GRIP1: variants seen among roughly 807,000 people sequenced by gnomAD.
GRIP1 encodes the protein glutamate receptor interacting protein 1, also known as glutamate receptor-interacting protein 1.
A neutral mutation model predicts 129.9 loss-of-function variants in GRIP1; 45 were observed. The ratio of observed to expected loss-of-function variants is 0.35; its 90% CI spans 0.27 to 0.44. The LOEUF (loss-of-function observed/expected upper bound fraction) is 0.44. Among genes scored for constraint, GRIP1 ranks in the 20% least tolerant of loss-of-function variants. The pLI is 1.00. For missense variants in GRIP1, 1,196 were observed against 1,396.8 expected (o/e 0.86, Z 2.29); for synonymous variants, 530 against 520.8 (o/e 1.02, Z -0.24).
intron 1 of GRIP1, among the ~76,000 whole-genome samples, chr12:66,855,858 C>T (rs111284012): frequency 2.8e-3 from 429 of 152,158 alleles, no homozygotes; most frequent in African/African-American, 9.8e-3. Context: ...TTGTGAAACA[C>T]TGAATATTTT....
At chr12:67,013,198 T>C (rs1355669951) in intron 1 of GRIP1, among the ~76,000 whole-genome samples, 1 of 152,162 alleles carries the variant, frequency 6.6e-6, no homozygotes, top group Non-Finnish European at 1.5e-5. Context: ...AGACTTGCCA[T>C]TTCCATACAG....
intron 1 of GRIP1, among the ~76,000 whole-genome samples, chr12:66,985,649 T>G (rs915624151): frequency 6.6e-6 from 1 of 152,094 alleles, no homozygotes; most frequent in Non-Finnish European, 1.5e-5. Flanking sequence ...AAGATTAAAT[T>G]TTTCTCTCAT....
At chr12:66,815,854 T>C (rs10784590) in intron 1 of GRIP1, among the ~76,000 whole-genome samples, 12,008 of 116,726 alleles carry the variant, frequency 0.1, 822 homozygotes, top group Non-Finnish European at 0.16. Flanking sequence ...CTTTCTTTCT[T>C]TCTCTCTCTC....
upstream of GRIP1, among the ~76,000 whole-genome samples, chr12:66,683,894 T>C (rs988286419): frequency 1.3e-5 from 2 of 152,214 alleles, no homozygotes; most frequent in Non-Finnish European, 2.9e-5. Flanking sequence ...AGCCTAGGTA[T>C]GTCCAACTGT....
chr12:67,008,841 T>A (rs943672812), intron 1 of GRIP1, among the ~76,000 whole-genome samples: 2 of 152,138 alleles, frequency 1.3e-5, no homozygotes, highest in African/African-American at 4.8e-5. Context: ...ATAATTTTTT[T>A]AAAAATCCAT....
At chr12:66,818,657 T>C (rs2039267276) in intron 1 of GRIP1, among the ~76,000 whole-genome samples, 1 of 152,210 alleles carries the variant, frequency 6.6e-6, no homozygotes, top group Non-Finnish European at 1.5e-5. Flanking sequence ...ATTAAAAAGA[T>C]ATTTATTATT....
chr12:66,661,285 T>G (rs1433486595), intron 1 of GRIP1, among the ~76,000 whole-genome samples: 1 of 152,010 alleles, frequency 6.6e-6, no homozygotes, highest in Non-Finnish European at 1.5e-5. Context: ...GTTCTTCCGT[T>G]GGAGATTTAA....
chr12:66,625,653 TAA>T (rs1286838575), intron 1 of GRIP1, among the ~76,000 whole-genome samples: 1 of 152,142 alleles, frequency 6.6e-6, no homozygotes, highest in Non-Finnish European at 1.5e-5. Context: ...TTTAAAGTGT[TAA>T]GAGTTTAATG....
At chr12:66,472,126 A>T (rs1565775577) in intron 7 of GRIP1, among the ~76,000 whole-genome samples, 2 of 152,206 alleles carry the variant, frequency 1.3e-5, no homozygotes, top group Non-Finnish European at 2.9e-5. Flanking sequence ...GAGGCTGGGG[A>T]AGCCTAATTA....
At chr12:66,497,958 T>G (rs1283165569) in intron 7 of GRIP1, among the ~76,000 whole-genome samples, 4 of 152,070 alleles carry the variant, frequency 2.6e-5, no homozygotes, top group Non-Finnish European at 5.9e-5. Flanking sequence ...CTGATGACAT[T>G]ACCTTGTGAA....
At chr12:66,559,020 T>C (rs796274345) in intron 2 of GRIP1, among the ~76,000 whole-genome samples, 3 of 152,018 alleles carry the variant, frequency 2.0e-5, no homozygotes, top group African/African-American at 7.2e-5. Flanking sequence ...AAGGATGGTT[T>C]AACCTACACA....
chr12:66,907,160 G>A (rs1437011318), intron 1 of GRIP1, among the ~76,000 whole-genome samples: 1 of 152,072 alleles, frequency 6.6e-6, no homozygotes, highest in African/African-American at 2.4e-5. Context: ...TTTTTTGTTA[G>A]TTGACTTTTA....
intron 1 of GRIP1, among the ~76,000 whole-genome samples, chr12:67,059,006 G>A (rs2043485364): frequency 6.6e-6 from 1 of 152,216 alleles, no homozygotes; most frequent in Non-Finnish European, 1.5e-5. Context: ...GTGTATCTTT[G>A]AGGGATTTAG....
intron 7 of GRIP1, among the ~76,000 whole-genome samples, chr12:66,477,004 C>A (rs975597876): frequency 6.6e-6 from 1 of 152,156 alleles, no homozygotes; most frequent in Non-Finnish European, 1.5e-5. Context: ...TCCTATTCAA[C>A]ATAGTGTTGG....
intron 1 of GRIP1, among the ~76,000 whole-genome samples, chr12:66,858,734 G>A (rs1355969488): frequency 6.6e-6 from 1 of 151,884 alleles, no homozygotes; most frequent in Non-Finnish European, 1.5e-5. Flanking sequence ...CTACTCCAAG[G>A]AGACATGGAA....
chr12:66,920,030 A>T (rs2041187629), intron 1 of GRIP1, among the ~76,000 whole-genome samples: 1 of 152,192 alleles, frequency 6.6e-6, no homozygotes, highest in Admixed American at 6.5e-5. Context: ...AACCCAATAG[A>T]ATATTTAAAG....
chr12:66,913,437 A>C (rs11176485), intron 1 of GRIP1, among the ~76,000 whole-genome samples: 4,849 of 152,246 alleles, frequency 0.032, 251 homozygotes, highest in African/African-American at 0.11. Context: ...ACAACAACAA[A>C]AAAAACCCTC....
intron 2 of GRIP1, among the ~76,000 whole-genome samples, chr12:66,550,683 A>G (rs904524752): frequency 2.0e-5 from 3 of 152,186 alleles, no homozygotes; most frequent in Admixed American, 6.5e-5. Context: ...ACATTTTATA[A>G]TTCGTGTGTA....
chr12:66,532,036 A>G (rs1288404602), intron 4 of GRIP1, among the ~76,000 whole-genome samples: 1 of 152,182 alleles, frequency 6.6e-6, no homozygotes, highest in East Asian at 1.9e-4. Context: ...CTGTAGCTAA[A>G]TCTTGCTGAC....
Sources: allele counts gnomAD v4.1 joint callset (sites outside exome capture counted in the v4.1 genomes callset), GRCh38; gene constraint gnomAD v4.1.1; transcripts MANE v1.5; gene names NCBI Gene and HGNC (gene_info 2026-07-23, HGNC 2026-07-21).